GPS1: variants seen among roughly 807,000 people sequenced by gnomAD.
GPS1 encodes G protein pathway suppressor 1, also known as COP9 signalosome complex subunit 1.
Under a neutral mutation model 60.0 loss-of-function variants are expected in GPS1, and 11 were observed. The observed-to-expected ratio is 0.18, with a 90% CI of 0.12 to 0.30. The LOEUF (loss-of-function observed/expected upper bound fraction) is 0.30. Ranked by LOEUF, GPS1 falls within the 10% of genes least tolerant of loss-of-function variation. The probability of loss-of-function intolerance (pLI) is 1.00; values close to 1 mark genes in which losing one functional copy is unlikely to be tolerated. For missense variants in GPS1, 543 were observed against 669.2 expected (o/e 0.81, Z 2.08); for synonymous variants, 343 against 269.8 (o/e 1.27, Z -2.66).
At position 82,055,833 on chromosome 17, in the gene GPS1, G is replaced by T. The variant is rs747884976; in HGVS notation, c.834+8G>T. ...CACTGTGACTTCCCTGAGGTGAGGA[G>T]CCCTCTGGGGACTTGGGAGGCAGAG... On this transcript the variant is annotated splice_region_variant and intron_variant, in intron 7 of 12. Transcript: ENST00000578552. 3.5e-5 allele frequency: 54 copies of T among 1,557,742 alleles called. No homozygotes were observed. The highest frequency in any genetic ancestry group is 4.6e-5 in the Non-Finnish European group (53 of 1,149,236).
At chr17:82,051,300 G>T, upstream of GPS1, 1 of 1,421,962 alleles carries the variant, frequency 7.0e-7, no homozygotes, top group South Asian at 1.8e-5. The surrounding 1 kb of genome is among the most constrained non-coding windows in gnomAD (Gnocchi z 4.1). Flanking sequence ...TCACCGCCCT[G>T]GAGCTCGAGC....
chr17:82,051,781 C>T (rs1352743298), upstream of GPS1: 9 of 1,114,154 alleles, frequency 8.1e-6, no homozygotes, highest in African/African-American at 1.2e-4. This position sits in a 1 kb window ranked among gnomAD's most constrained non-coding sequence, Gnocchi z 4.1. Flanking sequence ...CCGCCGGGAC[C>T]CCCGGCGCTG....
upstream of GPS1, chr17:82,051,183 C>T (rs2030498613): frequency 7.7e-7 from 1 of 1,301,796 alleles, no homozygotes; most frequent in African/African-American, 1.5e-5. The surrounding 1 kb of genome is among the most constrained non-coding windows in gnomAD (Gnocchi z 4.1). Context: ...CCCCGGGCCT[C>T]GGGAGCCTGG....
rs1185297530 is a variant in GPS1, at chr17:82,053,351, G to A, written c.111G>A (p.Val37=). 4.0e-6 allele frequency: 6 copies of A among 1,518,382 alleles called. No homozygotes were observed. In the South Asian group the frequency reaches 7.8e-5, roughly 20 times the overall value. 94.1% of individuals were successfully genotyped at this position (1,518,382 alleles called of 1,614,324 possible). A position where few individuals can be genotyped will look rare whatever the true frequency, so the allele number is the denominator to read the frequency against. ...ATGCACCTGACGTCAACTACGTGGTGGAGAACCCCAGCCTGGTACGGAGCC... is the reference window on the plus strand; with the variant it reads ...ATGCACCTGACGTCAACTACGTGGTAGAGAACCCCAGCCTGGTACGGAGCC... The part of the protein sequence containing the change: ...PQNAPDVNYV[V]ENPSLDLEQY... The change falls in exon 2 of 13, where the codon GTG becomes GTA. Residue 37 remains valine, a synonymous_variant. Coordinates refer to ENST00000578552, the MANE Select transcript of GPS1 (RefSeq NM_001321092.3).
At chr17:82,056,182 G>GC in intron 8 of GPS1, 87 bp downstream of exon 8, 1 of 1,382,762 alleles carries the variant, frequency 7.2e-7, no homozygotes, top group Admixed American at 1.7e-5. Context: ...TGGCCCCCTG[G>GC]CCCCAGCGTT....
Position 82,054,749 on chromosome 17 carries a change from G to T in GPS1, c.548G>T (p.Arg183Leu). The T allele has an allele frequency of 6.2e-7, 1 of 1,611,662 alleles. No homozygotes were observed. The change falls in exon 4 of 13, where the codon CGG becomes CTG. Residue 183 changes from arginine to leucine, a missense_variant. By Grantham distance (102) the Arg-to-Leu change is moderately radical. Coordinates refer to ENST00000578552, the MANE Select transcript of GPS1 (RefSeq NM_001321092.3). ...DLSNALKCYSRARDYCTSAKH... is the reference protein window; with the variant it reads ...DLSNALKCYSLARDYCTSAKH... ...AGCAACGCCCTCAAGTGCTATTCCC[G>T]GGCCCGGGACTACTGCACCAGCGCC...
At chr17:82,056,606 G>A (rs772670367) in intron 10 of GPS1, 23 bp from the exon 11 acceptor site, 2 of 1,612,292 alleles carry the variant, frequency 1.2e-6, no homozygotes, top group South Asian at 2.2e-5. Flanking sequence ...GGGCTGTGGA[G>A]CTGACTTCCC....
chr17:82,051,618 G>A (rs1162300435), upstream of GPS1: 1 of 1,214,458 alleles, frequency 8.2e-7, no homozygotes. The surrounding 1 kb of genome is among the most constrained non-coding windows in gnomAD (Gnocchi z 4.1). Context: ...GGGGGCAGCG[G>A]GCCGGGACGG....
At position 82,054,979 on chromosome 17, in the gene GPS1, C is replaced by T. The variant is rs200270232; in HGVS notation, c.687+4C>T. On this transcript the variant is annotated splice_donor_region_variant and intron_variant, in intron 5 of 12. Coordinates refer to ENST00000578552, the MANE Select transcript of GPS1 (RefSeq NM_001321092.3). ...GTCCACCCCAGAGATTGCCGAGGTA[C>T]GGGCCACCTCCTCAGAGACCTTGCC... 5.4e-5 allele frequency: 87 copies of T among 1,612,906 alleles called. No homozygotes were observed. The highest frequency in any genetic ancestry group is 4.9e-4 in the Middle Eastern group (3 of 6,084).
Position 82,053,257 on chromosome 17 carries a change from C to T in GPS1, c.34-17C>T, listed in dbSNP as rs1213141743. The T allele has an allele frequency of 1.3e-6, 2 of 1,527,142 alleles. No homozygotes were observed. Among genetic ancestry groups the T allele is most frequent in the South Asian group, 2.6e-5 (2 of 78,274 alleles). 94.6% of individuals were successfully genotyped at this position (1,527,142 alleles called of 1,614,324 possible). ...AGTCCCCAGGACGAGGTGCCAGGTGCCTGGCCCATGTTGCAGGGGGCCGTG... is the reference window on the plus strand; with the variant it reads ...AGTCCCCAGGACGAGGTGCCAGGTGTCTGGCCCATGTTGCAGGGGGCCGTG... On this transcript the variant is annotated splice_polypyrimidine_tract_variant and intron_variant, in intron 1 of 12. Transcript: ENST00000578552.
rs1387072763 is a variant in GPS1, at chr17:82,054,655, T to A, written c.454T>A (p.Ser152Thr). ...AGACCTGAAGAACTACAAGGGCAAC[T>A]CCATCAAAGAGAGCATCCGGCGCGG... ...DTDLKNYKGN[S>T]IKESIRRGHD... The change falls in exon 4 of 13, where the codon TCC becomes ACC. Residue 152 changes from serine to threonine, a missense_variant. Around this residue, in one of 3 missense-constraint regions of GPS1, gnomAD observed 71 missense variants for 126.7 expected, o/e 0.56. Coordinates refer to ENST00000578552, the MANE Select transcript of GPS1 (RefSeq NM_001321092.3). 1 of 1,610,996 alleles carries A rather than the reference T, an allele frequency of 6.2e-7. No individual in the cohort carries two copies. Among genetic ancestry groups the A allele is most frequent in the East Asian group, 2.2e-5 (1 of 44,866 alleles).
chr17:82,051,875 A>C, upstream of GPS1: 3 of 1,145,232 alleles, frequency 2.6e-6, no homozygotes, highest in Non-Finnish European at 3.2e-6. This position sits in a 1 kb window ranked among gnomAD's most constrained non-coding sequence, Gnocchi z 4.1. Flanking sequence ...GCGCCCCGGA[A>C]GCGACGGCTT....
chr17:82,053,461 TC>T (rs2031596103), intron 2 of GPS1, 95 bp downstream of exon 2: 1 of 881,444 alleles, frequency 1.1e-6, no homozygotes, highest in Middle Eastern at 2.8e-4. Flanking sequence ...GGTAGAATGA[TC>T]CTCCTCAGTG....
In GPS1 at chr17:82,056,367, T is replaced by G; in HGVS notation, c.1011T>G (p.Cys337Trp). The G allele has an allele frequency of 6.2e-7, 1 of 1,613,144 alleles. No individual in the cohort carries two copies. Among genetic ancestry groups the G allele is most frequent in the Non-Finnish European group, 8.5e-7 (1 of 1,179,852 alleles). Residue 337 changes from cysteine (C) to tryptophan (W), a missense_variant, in exon 9 of 13, where the codon TGT becomes TGG. Coordinates refer to ENST00000578552, the MANE Select transcript of GPS1 (RefSeq NM_001321092.3). ...TCTACGAGTCCAAGTACGCCTCATGTCTCAAGATGCTGGACGAGATGAAGG... is the reference window on the plus strand; with the variant it reads ...TCTACGAGTCCAAGTACGCCTCATGGCTCAAGATGCTGGACGAGATGAAGG... Reference protein sequence around the residue: ...FKFYESKYASCLKMLDEMKDN... With the variant: ...FKFYESKYASWLKMLDEMKDN...
At chr17:82,051,836 T>G, upstream of GPS1, 1 of 1,131,316 alleles carries the variant, frequency 8.8e-7, no homozygotes, top group Non-Finnish European at 1.1e-6. This position sits in a 1 kb window ranked among gnomAD's most constrained non-coding sequence, Gnocchi z 4.1. Flanking sequence ...GGCGGCCCCT[T>G]TAAGAACGCA....
rs1265431120 is a variant in GPS1, at chr17:82,054,768, C to T, written c.567C>T (p.Thr189=). ...KCYSRARDYC[T]SAKHVINMCL... The stretch of plus-strand genomic sequence containing the variant: ...ATTCCCGGGCCCGGGACTACTGCAC[C>T]AGCGCCAAACACGTCATCAACATGT... The change falls in exon 4 of 13, where the codon ACC becomes ACT. Residue 189 remains threonine (T), a synonymous_variant. Transcript: ENST00000578552. 1.2e-6 allele frequency: 2 copies of T among 1,608,590 alleles called. No homozygotes were observed. Among genetic ancestry groups the T allele is most frequent in the Non-Finnish European group, 1.7e-6 (2 of 1,177,552 alleles).
chr17:82,056,182 G>A, intron 8 of GPS1, 87 bp downstream of exon 8: 1 of 1,382,762 alleles, frequency 7.2e-7, no homozygotes, highest in Non-Finnish European at 1.0e-6. Flanking sequence ...TGGCCCCCTG[G>A]CCCCAGCGTT....
At chr17:82,051,516 G>A (rs1469464173), upstream of GPS1, 2 of 1,394,900 alleles carry the variant, frequency 1.4e-6, no homozygotes, top group African/African-American at 3.0e-5. The surrounding 1 kb of genome is among the most constrained non-coding windows in gnomAD (Gnocchi z 4.1). Context: ...GCGGGCCCGG[G>A]AGATCCAGGT....
In GPS1 at chr17:82,055,261, CCT is replaced by C. The variant is rs2032288075; in HGVS notation, c.748+40_748+41del. ...TCACGCCCAGCTGACCCCACGTTCC[CCT>C]GTTGCTAAGTCCTCCCAGCCCAGGG... On this transcript the variant is annotated intron_variant, in intron 6 of 12. Coordinates refer to ENST00000578552, the MANE Select transcript of GPS1 (RefSeq NM_001321092.3). 11 of 1,546,856 alleles carry C rather than the reference CCT, an allele frequency of 7.1e-6. No homozygotes were observed. The Admixed American group carries it at 7.8e-5, about 11-fold the overall frequency.
Sources: gnomAD v4.1 joint callset for allele counts on GRCh38, gnomAD v4.1.1 for gene constraint, gnomAD v4.1.1 regional missense constraint, Gnocchi (gnomAD v3.1) non-coding constraint, MANE v1.5 for transcripts, NCBI Gene and HGNC (gene_info 2026-07-23, HGNC 2026-07-21) for gene names.